Variants in AGMO observed in about 807,000 individuals in gnomAD.
AGMO encodes the protein glyceryl-ether monooxygenase.
AGMO carries 75 observed loss-of-function variants against 60.2 expected under a neutral mutation model. The ratio of observed to expected loss-of-function variants is 1.25; its 90% CI spans 1.03 to 1.51. The LOEUF is 1.51. Ranked by LOEUF, AGMO falls within the 40% of genes most tolerant of loss-of-function variation. The probability of loss-of-function intolerance (pLI) is 0.00; values close to 1 mark genes in which losing one functional copy is unlikely to be tolerated. For synonymous variants in AGMO, 261 were observed against 177.1 expected, an observed-to-expected ratio of 1.47 and a Z score of -3.76; for missense variants, 763 against 525.5, an observed-to-expected ratio of 1.45 and a Z score of -4.42.
At chr7:15,189,059 G>C in the AGMO span, among the ~76,000 whole-genome samples, 1 of 152,044 alleles carries the variant, frequency 6.6e-6, no homozygotes. Context: ...TAAAAAGTTG[G>C]GGAAAATAGC....
intron 3 of AGMO, among the ~76,000 whole-genome samples, chr7:15,498,458 C>T (rs187634787): frequency 1.3e-4 from 19 of 151,994 alleles, no homozygotes; most frequent in Admixed American, 3.3e-4. Flanking sequence ...AATGACTTTT[C>T]CATGCTAACG....
the AGMO span, among the ~76,000 whole-genome samples, chr7:15,134,405 C>T: frequency 8.5e-4 from 130 of 152,160 alleles, no homozygotes; most frequent in African/African-American, 2.4e-3. Context: ...AACTCCTGAG[C>T]GTATGCAATA....
the AGMO span, among the ~76,000 whole-genome samples, chr7:15,186,617 G>C: frequency 6.6e-6 from 1 of 152,188 alleles, no homozygotes; most frequent in African/African-American, 2.4e-5. Flanking sequence ...AGAATTCTAA[G>C]AGCGTGCTAT....
downstream of AGMO, among the ~76,000 whole-genome samples, chr7:15,195,374 T>C (rs572931796): frequency 2.0e-5 from 3 of 152,282 alleles, no homozygotes; most frequent in African/African-American, 7.2e-5. Flanking sequence ...GTGCCCCTGG[T>C]AAAGTGCACA....
At chr7:15,326,978 A>AT in intron 12 of AGMO, among the ~76,000 whole-genome samples, 1 of 152,168 alleles carries the variant, frequency 6.6e-6, no homozygotes, top group African/African-American at 2.4e-5. Flanking sequence ...AGAATTTGGC[A>AT]TTTTTTGTCT....
At chr7:15,195,216 G>C in the AGMO span, among the ~76,000 whole-genome samples, 1 of 152,160 alleles carries the variant, frequency 6.6e-6, no homozygotes, top group Non-Finnish European at 1.5e-5. Flanking sequence ...ATAGATACCT[G>C]AGGTTCCTTG....
rs752688536 is a variant in AGMO at position 15,544,882 on chromosome 7, A to G, written c.299T>C (p.Ile100Thr). 5.0e-6 allele frequency: 8 copies of G among 1,597,246 alleles called. No homozygotes were observed. The Admixed American group carries it at 8.6e-5, about 17-fold the overall frequency. Residue 100 changes from isoleucine to threonine, a missense_variant, in exon 3 of 13, where the codon ATC (isoleucine) becomes ACC (threonine). Ile to Thr is a moderately conservative substitution (Grantham distance 89). Coordinates refer to ENST00000342526, the MANE Select transcript of AGMO (RefSeq NM_001004320.2). ...ATTGAACAGCCTGTAGTTCTCCCAG[A>G]TATAAATATAACTGGTCAGTTCAAT... Reference protein sequence around the residue: ...RSIELTSYIYIWENYRLFNLP... With the variant: ...RSIELTSYIYTWENYRLFNLP...
chr7:15,234,298 T>A (rs1782351735), intron 12 of AGMO, among the ~76,000 whole-genome samples: 1 of 152,196 alleles, frequency 6.6e-6, no homozygotes, highest in Non-Finnish European at 1.5e-5. Flanking sequence ...AAGACCCTTA[T>A]TCTGTGTAAA....
At chr7:15,471,028 C>G (rs879394819) in intron 3 of AGMO, among the ~76,000 whole-genome samples, 2 of 151,900 alleles carry the variant, frequency 1.3e-5, no homozygotes, top group Non-Finnish European at 2.9e-5. Flanking sequence ...GATACATTTG[C>G]TCTCTGGATT....
chr7:15,307,766 G>C (rs1243332328), intron 12 of AGMO, among the ~76,000 whole-genome samples: 1 of 151,954 alleles, frequency 6.6e-6, no homozygotes, highest in Non-Finnish European at 1.5e-5. Context: ...AACAAACTCA[G>C]TATCTCTCCT....
At chr7:15,466,040 G>C (rs1782276214) in intron 3 of AGMO, among the ~76,000 whole-genome samples, 2 of 152,234 alleles carry the variant, frequency 1.3e-5, no homozygotes, top group South Asian at 4.1e-4. Context: ...GGGTACAAAA[G>C]TGAATAAAAG....
intron 12 of AGMO, among the ~76,000 whole-genome samples, chr7:15,311,068 C>T (rs1302605984): frequency 2.0e-5 from 3 of 152,118 alleles, no homozygotes; most frequent in Admixed American, 2.0e-4. Context: ...TGCAACTTAA[C>T]ATATTCACAG....
intron 3 of AGMO, among the ~76,000 whole-genome samples, chr7:15,462,277 G>T (rs1438789939): frequency 6.6e-6 from 1 of 152,086 alleles, no homozygotes; most frequent in Non-Finnish European, 1.5e-5. Context: ...TAAAATTTTT[G>T]TAAAGTGAAA....
At chr7:15,160,362 T>C in the AGMO span, among the ~76,000 whole-genome samples, 2 of 152,128 alleles carry the variant, frequency 1.3e-5, no homozygotes, top group East Asian at 3.8e-4. Flanking sequence ...GATAGTAAAT[T>C]TTGTCAGGCC....
At chr7:15,391,661 A>G (rs1784144899) in intron 6 of AGMO, among the ~76,000 whole-genome samples, 1 of 152,158 alleles carries the variant, frequency 6.6e-6, no homozygotes, top group Non-Finnish European at 1.5e-5. Flanking sequence ...TTGAATGCAC[A>G]AATACAAAGA....
the AGMO span, among the ~76,000 whole-genome samples, chr7:15,133,959 A>T: frequency 5.3e-5 from 8 of 152,166 alleles, no homozygotes; most frequent in African/African-American, 1.9e-4. Flanking sequence ...GTTCTTAAGC[A>T]CATAAACTTT....
At chr7:15,175,753 C>T in the AGMO span, among the ~76,000 whole-genome samples, 1 of 151,690 alleles carries the variant, frequency 6.6e-6, no homozygotes, top group South Asian at 2.1e-4. Context: ...CTTTAATTTA[C>T]TTTAAGGAAA....
At chr7:15,455,112 C>G (rs1020713774) in intron 3 of AGMO, among the ~76,000 whole-genome samples, 9 of 151,624 alleles carry the variant, frequency 5.9e-5, no homozygotes, top group African/African-American at 2.2e-4. Context: ...CACACACACA[C>G]ACACACTTTT....
chr7:15,391,002 G>T, intron 6 of AGMO, 97 bp from the exon 7 acceptor site: 2 of 737,630 alleles, frequency 2.7e-6, no homozygotes, highest in African/African-American at 1.8e-5. Flanking sequence ...ATAAAATTCA[G>T]ATTTAAACAG....
Sources: gnomAD v4.1 joint callset for allele counts (sites outside exome capture counted in the v4.1 genomes callset) on GRCh38, gnomAD v4.1.1 for gene constraint, MANE v1.5 for transcripts, NCBI Gene and HGNC (gene_info 2026-07-23, HGNC 2026-07-21) for gene names.